DAB1: variants seen among roughly 807,000 people sequenced by gnomAD.
The protein encoded by DAB1 is disabled homolog 1.
In DAB1, 15 loss-of-function variants were observed where a neutral mutation model predicts 64.6. The ratio of observed to expected loss-of-function variants is 0.23; its 90% confidence interval spans 0.16 to 0.36. The LOEUF is 0.36. Ranked by LOEUF, DAB1 falls within the 10% of genes least tolerant of loss-of-function variation. DAB1 has a pLI of 1.00. For synonymous variants in DAB1, 235 were observed against 251.9 expected, an observed-to-expected ratio of 0.93 and a Z score of 0.64; for missense variants, 596 against 706.7, an observed-to-expected ratio of 0.84 and a Z score of 1.78.
intron 7 of DAB1, among the ~76,000 whole-genome samples, chr1:57,616,090 GT>G (rs1645787827): frequency 6.6e-6 from 1 of 152,136 alleles, no homozygotes; most frequent in Non-Finnish European, 1.5e-5. Context: ...CCTGTCCAGT[GT>G]TCTTACTATG....
At chr1:57,676,892 T>C (rs1034613529) in intron 6 of DAB1, among the ~76,000 whole-genome samples, 1 of 152,170 alleles carries the variant, frequency 6.6e-6, no homozygotes, top group African/African-American at 2.4e-5. Context: ...CAAGGGGAAC[T>C]GGAACATACA....
intron 7 of DAB1, among the ~76,000 whole-genome samples, chr1:57,435,980 G>A (rs1273285246): frequency 7.0e-6 from 1 of 143,228 alleles, no homozygotes; most frequent in Non-Finnish European, 1.5e-5. Flanking sequence ...GCAGTGGTGT[G>A]ATCTCAGCTT....
chr1:57,004,825 C>T (rs1239975839), intron 14 of DAB1, among the ~76,000 whole-genome samples: 5 of 152,126 alleles, frequency 3.3e-5, no homozygotes, highest in East Asian at 1.9e-4. Context: ...TCCTAACTTC[C>T]GATATGAACT....
At chr1:57,947,304 C>T (rs1353982632) in intron 5 of DAB1, among the ~76,000 whole-genome samples, 1 of 152,098 alleles carries the variant, frequency 6.6e-6, no homozygotes, top group South Asian at 2.1e-4. Context: ...TGCCCAAAAT[C>T]CCCAAGGTAA....
At chr1:57,433,752 T>A (rs1685594605) in intron 7 of DAB1, among the ~76,000 whole-genome samples, 2 of 150,990 alleles carry the variant, frequency 1.3e-5, no homozygotes, top group South Asian at 4.2e-4. Flanking sequence ...AACACATATA[T>A]CTGACAAAGG....
chr1:58,340,728 G>C (rs145712342), intron 4 of DAB1, among the ~76,000 whole-genome samples: 2 of 152,330 alleles, frequency 1.3e-5, no homozygotes, highest in African/African-American at 4.8e-5. Context: ...CCTAAGACTT[G>C]ACATTGGACA....
chr1:58,452,315 T>C (rs1375188438), intron 3 of DAB1, among the ~76,000 whole-genome samples: 1 of 151,680 alleles, frequency 6.6e-6, no homozygotes, highest in Non-Finnish European at 1.5e-5. Context: ...ACATAAAAGA[T>C]GTTAAACATT....
chr1:57,117,625 A>G (rs1265442991), intron 4 of DAB1, among the ~76,000 whole-genome samples: 1 of 152,190 alleles, frequency 6.6e-6, no homozygotes, highest in Non-Finnish European at 1.5e-5. Flanking sequence ...GGTATATGTC[A>G]TTATTTACAA....
At chr1:58,066,899 C>T (rs899854075) in intron 5 of DAB1, among the ~76,000 whole-genome samples, 2 of 152,194 alleles carry the variant, frequency 1.3e-5, no homozygotes, top group Admixed American at 1.3e-4. Context: ...ATACCTTCAG[C>T]GACTCTACAT....
chr1:57,797,744 T>C (rs1023775796), intron 6 of DAB1, among the ~76,000 whole-genome samples: 32 of 152,338 alleles, frequency 2.1e-4, no homozygotes, highest in African/African-American at 7.2e-4. Context: ...TGTGTAGCCT[T>C]GGACTGGTTA....
At chr1:57,270,925 G>A (rs1325787210) in intron 2 of DAB1, among the ~76,000 whole-genome samples, 1 of 152,202 alleles carries the variant, frequency 6.6e-6, no homozygotes, top group Non-Finnish European at 1.5e-5. Flanking sequence ...CATCTGTAAT[G>A]AGCAGGGACT....
chr1:57,082,560 C>T (rs112653827), intron 4 of DAB1, among the ~76,000 whole-genome samples: 1,530 of 152,194 alleles, frequency 0.01, 19 homozygotes, highest in African/African-American at 0.029. Flanking sequence ...TTCCAGGATA[C>T]ATGTGCAGGA....
chr1:57,921,141 T>G (rs907972434), intron 5 of DAB1, among the ~76,000 whole-genome samples: 1 of 152,236 alleles, frequency 6.6e-6, no homozygotes, highest in African/African-American at 2.4e-5. Flanking sequence ...TTTCTATATG[T>G]ACTGGTATAG....
chr1:57,680,469 T>C (rs1175401943), intron 6 of DAB1, among the ~76,000 whole-genome samples: 1 of 152,222 alleles, frequency 6.6e-6, no homozygotes, highest in Non-Finnish European at 1.5e-5. Flanking sequence ...TCCTTCCTTT[T>C]CCATTGTTTG....
intron 7 of DAB1, among the ~76,000 whole-genome samples, chr1:57,646,525 A>G (rs796680205): frequency 1.3e-5 from 2 of 152,268 alleles, no homozygotes; most frequent in African/African-American, 2.4e-5. Context: ...AGATGAGAGA[A>G]TTGCTTGAAC....
At chr1:57,762,608 A>G (rs905973604) in intron 6 of DAB1, among the ~76,000 whole-genome samples, 2 of 152,208 alleles carry the variant, frequency 1.3e-5, no homozygotes, top group Non-Finnish European at 2.9e-5. Flanking sequence ...ACTTAGATTA[A>G]AAATATAAAT....
chr1:57,641,274 TTATATTCTTATA>T lies in DAB1; in HGVS notation n.625+8306_625+8317del, dbSNP rs1646123819. 2.0e-5 allele frequency among the ~76,000 whole-genome samples: 3 copies of T among 152,130 alleles called. No individual in the cohort carries two copies. In the South Asian group the frequency reaches 6.2e-4, roughly 31 times the overall value. On this transcript the variant is annotated intron_variant and non_coding_transcript_variant, in intron 7 of 20. Coordinates refer to the DAB1 transcript ENST00000485760. ...CCTCACTCCCTTTCCAACTTTGATCTTATATTCTTATATACCTGACTTAGTCTAAATTCCTGG... is the reference window on the plus strand; with the variant it reads ...CCTCACTCCCTTTCCAACTTTGATCTTACCTGACTTAGTCTAAATTCCTGG...
chr1:58,317,848 T>C (rs1001989709), intron 4 of DAB1, among the ~76,000 whole-genome samples: 2 of 152,170 alleles, frequency 1.3e-5, no homozygotes, highest in East Asian at 3.8e-4. Flanking sequence ...CAATAGAAAA[T>C]GAGCATACCC....
intron 4 of DAB1, among the ~76,000 whole-genome samples, chr1:58,326,218 T>C (rs1228841508): frequency 1.3e-5 from 2 of 152,258 alleles, no homozygotes; most frequent in Non-Finnish European, 2.9e-5. Flanking sequence ...TTGCCATTTA[T>C]ATTTAGGCAA....
Sources: gnomAD v4.1 joint callset for allele counts (sites outside exome capture counted in the v4.1 genomes callset) on GRCh38, gnomAD v4.1.1 for gene constraint, MANE v1.5 for transcripts, NCBI Gene and HGNC (gene_info 2026-07-23, HGNC 2026-07-21) for gene names.